Variants in SPIN1 observed in about 807,000 individuals in gnomAD.
SPIN1 encodes the protein spindlin 1, also known as spindlin-1.
In SPIN1, 3 loss-of-function variants were observed where a neutral mutation model predicts 26.0. The ratio of observed to expected loss-of-function variants is 0.12; its 90% CI spans 0.05 to 0.30. SPIN1 has a LOEUF of 0.30. SPIN1 is among the 10% of genes least tolerant of loss of function. The pLI is 1.00. For missense variants in SPIN1, 126 were observed against 333.4 expected (o/e 0.38, Z 4.84); for synonymous variants, 101 against 116.5 (o/e 0.87, Z 0.86).
At chr9:88,422,869 C>T (rs1461502272) in intron 1 of SPIN1, among the ~76,000 whole-genome samples, 1 of 152,050 alleles carries the variant, frequency 6.6e-6, no homozygotes, top group Admixed American at 6.5e-5. Context: ...ACCACCATGC[C>T]TGGCTAATTT....
chr9:88,404,915 CA>C (rs112038274), intron 1 of SPIN1, among the ~76,000 whole-genome samples: 92 of 83,928 alleles, frequency 1.1e-3, no homozygotes, highest in Admixed American at 1.9e-3. Flanking sequence ...GATTTCGTCT[CA>C]AAAAAAAAAA....
chr9:88,413,791 G>A (rs1038186744), intron 1 of SPIN1, among the ~76,000 whole-genome samples: 1 of 152,118 alleles, frequency 6.6e-6, no homozygotes, highest in African/African-American at 2.4e-5. Context: ...TGTTGATGGG[G>A]AACTTTAGTG....
intron 1 of SPIN1, among the ~76,000 whole-genome samples, chr9:88,402,470 C>G (rs1397089670): frequency 6.6e-6 from 1 of 151,144 alleles, no homozygotes; most frequent in Non-Finnish European, 1.5e-5. Context: ...TTCCCAGCCT[C>G]TGATACCTGT....
intron 3 of SPIN1, 112 bp from the exon 4 acceptor site, chr9:88,462,384 G>A (rs969700621): frequency 7.1e-7 from 1 of 1,417,772 alleles, no homozygotes; most frequent in African/African-American, 1.4e-5. Context: ...ACATGAGTTT[G>A]TACATATTTT....
Position 88,410,188 on chromosome 9 carries a change from T to TGTGTGTGTGTGCGCGCGC in SPIN1, c.-158-16193_-158-16192insTGTGTGTGTGCGCGCGCG, listed in dbSNP as rs4029765. Among the ~76,000 whole-genome samples, 61 of 142,964 alleles carry TGTGTGTGTGTGCGCGCGC rather than the reference T, an allele frequency of 4.3e-4. 1 individual carries two copies. The Middle Eastern group carries it at 0.015, about 34-fold the overall frequency. 93.8% of individuals were successfully genotyped at this position (142,964 alleles called of 152,430 possible). Reference sequence around the variant, plus strand: ...GTGTGTGTGTGTGTGTGTGTGTGTGTGCAACTTTTTTTTTTTTTAAAGACA... The same window carrying TGTGTGTGTGTGCGCGCGC: ...GTGTGTGTGTGTGTGTGTGTGTGTGTGTGTGTGTGTGCGCGCGCGCAACTTTTTTTTTTTTTAAAGACA... On this transcript the variant is annotated intron_variant, in intron 1 of 5. Coordinates refer to ENST00000375859, the MANE Select transcript of SPIN1 (RefSeq NM_006717.3).
rs550239123 is a variant in SPIN1 at position 88,444,811 on chromosome 9, C to T, written c.53-4130C>T. On this transcript the variant is annotated intron_variant, in intron 2 of 5. Coordinates refer to ENST00000375859, the MANE Select transcript of SPIN1 (RefSeq NM_006717.3). ...GTTCACACCATTCTCCTGCCTCAGC[C>T]TCCCGAGTAGCTGGGACTACAGGTG... Among the ~76,000 whole-genome samples, 68 of 151,940 alleles carry T rather than the reference C, an allele frequency of 4.5e-4. 1 individual carries two copies. The highest frequency in any genetic ancestry group is 1.5e-3 in the African/African-American group (64 of 41,434).
intron 1 of SPIN1, among the ~76,000 whole-genome samples, chr9:88,425,673 CAAA>C (rs370111864): frequency 5.0e-5 from 5 of 99,214 alleles, no homozygotes; most frequent in Non-Finnish European, 6.4e-5. Flanking sequence ...GACTCTGTCT[CAAA>C]AAAAAAAAAA....
At chr9:88,416,016 A>G (rs775277101) in intron 1 of SPIN1, among the ~76,000 whole-genome samples, 4 of 151,148 alleles carry the variant, frequency 2.6e-5, no homozygotes, top group South Asian at 2.1e-4. Flanking sequence ...TTGGCCTTCC[A>G]AAGTGCTGCC....
At chr9:88,454,964 A>C (rs1193692272) in intron 3 of SPIN1, among the ~76,000 whole-genome samples, 1 of 152,218 alleles carries the variant, frequency 6.6e-6, no homozygotes, top group Non-Finnish European at 1.5e-5. Context: ...CTTTAAAGAA[A>C]TTGGACAGAA....
chr9:88,392,461 G>GT (rs1826945844), intron 1 of SPIN1, among the ~76,000 whole-genome samples: 1 of 152,140 alleles, frequency 6.6e-6, no homozygotes, highest in African/African-American at 2.4e-5. Flanking sequence ...TATCAGAATG[G>GT]GAGAAGAAAG....
chr9:88,388,962 G>A (rs1353930775), intron 1 of SPIN1, among the ~76,000 whole-genome samples: 5 of 151,102 alleles, frequency 3.3e-5, no homozygotes, highest in Non-Finnish European at 1.5e-5. Flanking sequence ...CAGAATGCAG[G>A]CGGGGAGGGG....
intron 5 of SPIN1, among the ~76,000 whole-genome samples, chr9:88,473,809 A>T (rs182378928): frequency 1.9e-4 from 29 of 152,288 alleles, no homozygotes; most frequent in East Asian, 9.6e-4. Context: ...TATAAAATTC[A>T]CGTGCGATTG....
At chr9:88,403,721 G>A (rs1283406994) in intron 1 of SPIN1, among the ~76,000 whole-genome samples, 2 of 151,860 alleles carry the variant, frequency 1.3e-5, no homozygotes, top group African/African-American at 4.8e-5. Flanking sequence ...TTCAAAGCGG[G>A]GGAAAAAAAA....
intron 1 of SPIN1, among the ~76,000 whole-genome samples, chr9:88,413,033 T>C (rs1341659697): frequency 6.6e-6 from 1 of 151,852 alleles, no homozygotes; most frequent in Non-Finnish European, 1.5e-5. Context: ...TATAGATAAT[T>C]CAGATTTTGT....
chr9:88,413,495 T>C (rs933872354), intron 1 of SPIN1, among the ~76,000 whole-genome samples: 1 of 151,974 alleles, frequency 6.6e-6, no homozygotes, highest in Non-Finnish European at 1.5e-5. Context: ...GTGATTCTTC[T>C]ACCTCAGCCT....
At chr9:88,418,978 TCC>T (rs779638737) in intron 1 of SPIN1, 1 of 152,190 alleles carries the variant, frequency 6.6e-6, no homozygotes, top group Non-Finnish European at 1.5e-5. Flanking sequence ...TTTTTTGATC[TCC>T]TTTGAGATTG....
At chr9:88,412,085 A>T (rs1345602077) in intron 1 of SPIN1, among the ~76,000 whole-genome samples, 1 of 151,798 alleles carries the variant, frequency 6.6e-6, no homozygotes. Context: ...AGGCTGAGGC[A>T]GGAGAATGGC....
intron 1 of SPIN1, among the ~76,000 whole-genome samples, chr9:88,389,623 C>G (rs1210474793): frequency 6.6e-6 from 1 of 152,038 alleles, no homozygotes; most frequent in African/African-American, 2.4e-5. Flanking sequence ...AAAACAATAC[C>G]AGGAACATTT....
chr9:88,393,822 A>G (rs767059780), intron 1 of SPIN1, among the ~76,000 whole-genome samples: 7 of 151,404 alleles, frequency 4.6e-5, no homozygotes, highest in Non-Finnish European at 8.8e-5. Context: ...TTGTAGACCC[A>G]TGGATTTTTA....
Sources: gnomAD v4.1 joint callset for allele counts (sites outside exome capture counted in the v4.1 genomes callset) on GRCh38, gnomAD v4.1.1 for gene constraint, MANE v1.5 for transcripts, NCBI Gene and HGNC (gene_info 2026-07-23, HGNC 2026-07-21) for gene names.